The following ZNF717 variants were observed in gnomAD, a reference collection of about 807,000 sequenced individuals.
ZNF717 encodes the protein krueppel-like factor X17.
Under a neutral mutation model 13.8 loss-of-function variants are expected in ZNF717, and 9 were observed. That is an observed-to-expected ratio of 0.65 (90% CI 0.39 to 1.14). ZNF717 has a LOEUF of 1.14. Among genes scored for constraint, ZNF717 ranks in the 50% most tolerant of loss-of-function variants. The probability of loss-of-function intolerance (pLI) is 0.01; values close to 1 mark genes in which losing one functional copy is unlikely to be tolerated. For synonymous variants in ZNF717, 327 were observed against 364.1 expected (o/e 0.90, Z 1.16); for missense variants, 1,040 against 1,080.7 (o/e 0.96, Z 0.53).
rs1313197631 is a variant in ZNF717 at position 75,718,760 on chromosome 3, T to C, written n.545-2219A>G. Among the ~76,000 whole-genome samples the C allele has an allele frequency of 1.8e-4, 27 of 152,264 alleles. No homozygotes were observed. The South Asian group carries it at 5.6e-3, about 32-fold the overall frequency. On this transcript the variant is annotated intron_variant and non_coding_transcript_variant, in intron 4 of 5. Coordinates refer to the ZNF717 transcript ENST00000491507. ...TCGTACTCCTATGAGAATCGAATGCTGCAGCTGATCTGATAGGAGGCGGAG... is the reference window on the plus strand; with the variant it reads ...TCGTACTCCTATGAGAATCGAATGCCGCAGCTGATCTGATAGGAGGCGGAG...
chr3:75,702,039 C>T, intron 6 of ZNF717, among the ~76,000 whole-genome samples: 1 of 152,312 alleles, frequency 6.6e-6, no homozygotes, highest in Non-Finnish European at 1.5e-5. Flanking sequence ...TTGTTGGGAG[C>T]ACAGTTAAGA....
downstream of ZNF717, among the ~76,000 whole-genome samples, chr3:75,735,635 T>TAAAAAAAAA (rs149366090): frequency 5.0e-5 from 4 of 79,844 alleles, no homozygotes; most frequent in Non-Finnish European, 6.7e-5. Flanking sequence ...ACTGTCTCAA[T>TAAAAAAAAA]AAAAAAAAAA....
At chr3:75,757,454 T>C (rs1250867619) in intron 2 of ZNF717, among the ~76,000 whole-genome samples, 1 of 152,216 alleles carries the variant, frequency 6.6e-6, no homozygotes, top group East Asian at 1.9e-4. Context: ...CAAATATGGC[T>C]TACTAAATAT....
Position 75,737,895 on chromosome 3 carries a change from T to C in ZNF717, c.1728A>G (p.Ser576=). The C allele has an allele frequency of 1.3e-6, 2 of 1,547,730 alleles. No homozygotes were observed. Among genetic ancestry groups the C allele is most frequent in the Non-Finnish European group, 1.7e-6 (2 of 1,144,278 alleles). ...GAGTTCTCTGATGTATAGTTAGGAA[T>C]GACTTACAGTGAAAGGATTTTCCAC... The part of the protein sequence containing the change: ...NECGKSFHCK[S]FLTIHQRTHA... Residue 576 remains serine (S), a synonymous_variant, in exon 5 of 5, where the codon TCA becomes TCG. Transcript: ENST00000652011.
chr3:75,783,933 T>G (rs1177605933), intron 1 of ZNF717, among the ~76,000 whole-genome samples: 2 of 152,240 alleles, frequency 1.3e-5, no homozygotes, highest in African/African-American at 4.8e-5. Flanking sequence ...CAATAACACC[T>G]TTCCCTGTAT....
intron 2 of ZNF717, among the ~76,000 whole-genome samples, chr3:75,778,602 CA>C (rs1389455036): frequency 2.2e-4 from 34 of 151,362 alleles, no homozygotes; most frequent in African/African-American, 8.0e-4. Context: ...CTGCCAAAAC[CA>C]GAAACCAAAA....
intron 5 of ZNF717, among the ~76,000 whole-genome samples, chr3:75,712,715 T>C (rs1442047716): frequency 6.6e-6 from 1 of 152,150 alleles, no homozygotes; most frequent in African/African-American, 2.4e-5. Context: ...TTCTCCTATC[T>C]CCATCTCCCT....
intron 2 of ZNF717, among the ~76,000 whole-genome samples, chr3:75,779,385 A>T (rs185995282): frequency 1.5e-3 from 223 of 151,208 alleles, no homozygotes; most frequent in African/African-American, 5.4e-3. Context: ...AGAAACCCAA[A>T]ACAATGGGAG....
rs1295386019 is a variant in ZNF717, at chr3:75,746,027, C to A, written c.58-4291G>T. Reference sequence around the variant, plus strand: ...TCCTAACGCTATCCCACCCTGCTCCCCCTACCCCACAACAAGCCCCGGTGT... The same window carrying A: ...TCCTAACGCTATCCCACCCTGCTCCACCTACCCCACAACAAGCCCCGGTGT... On this transcript the variant is annotated intron_variant, in intron 2 of 4. Coordinates refer to ENST00000652011, the MANE Select transcript of ZNF717 (RefSeq NM_001290208.3). 1.7e-4 allele frequency among the ~76,000 whole-genome samples: 26 copies of A among 152,190 alleles called. No homozygotes were observed. In the South Asian group the frequency reaches 2.9e-3, roughly 17 times the overall value.
downstream of ZNF717, among the ~76,000 whole-genome samples, chr3:75,708,031 C>T (rs1937841025): frequency 6.6e-6 from 1 of 152,188 alleles, no homozygotes; most frequent in African/African-American, 2.4e-5. Context: ...GGGCAGGGCA[C>T]AGACAAACAA....
intron 2 of ZNF717, among the ~76,000 whole-genome samples, chr3:75,743,535 G>C (rs2107236351): frequency 6.6e-6 from 1 of 152,320 alleles, no homozygotes; most frequent in African/African-American, 2.4e-5. Context: ...GTCCAGTAAG[G>C]ACAGAAAAGT....
chr3:75,783,032 A>G (rs570635896), intron 2 of ZNF717, among the ~76,000 whole-genome samples: 2 of 152,352 alleles, frequency 1.3e-5, no homozygotes, highest in African/African-American at 4.8e-5. Context: ...AGAACACAGC[A>G]TGCTCTCTTC....
In ZNF717 at chr3:75,737,143, G is replaced by C. The variant is rs1409634592; in HGVS notation, c.2480C>G (p.Ser827Ter). 7 of 1,562,766 alleles carry C rather than the reference G, an allele frequency of 4.5e-6. No individual in the cohort carries two copies. The highest frequency in any genetic ancestry group is 6.1e-6 in the Non-Finnish European group (7 of 1,153,770). The change falls in exon 5 of 5, where the codon TCA (serine) becomes TGA (stop). Residue 827 changes from serine to a stop codon, truncating the protein, a stop_gained. Coordinates refer to ENST00000652011, the MANE Select transcript of ZNF717 (RefSeq NM_001290208.3). LOFTEE classifies it low-confidence loss of function (END_TRUNC). ...KECRKTFSQKSKLFVHHRTHT... is the reference protein window; with the variant it reads ...KECRKTFSQK The stretch of plus-strand genomic sequence containing the variant: ...AGTTCTGTGATGTACAAAGAGTTTT[G>C]ACTTCTGGGAGAAGGTTTTCCTACA...
At chr3:75,756,374 G>A (rs1423965775) in intron 2 of ZNF717, among the ~76,000 whole-genome samples, 1 of 152,310 alleles carries the variant, frequency 6.6e-6, no homozygotes, top group East Asian at 1.9e-4. Context: ...ATGTGTTCAA[G>A]TGAAAGAAGA....
At position 75,739,108 on chromosome 3, in the gene ZNF717, C is replaced by A; in HGVS notation, c.515G>T (p.Gly172Val). The A allele has an allele frequency of 1.3e-6, 2 of 1,551,366 alleles. No individual in the cohort carries two copies. Among genetic ancestry groups the A allele is most frequent in the Non-Finnish European group, 1.7e-6 (2 of 1,146,838 alleles). ...CQNMLFPIKP[G>V]ETQSGEKPHV... is the part of the protein sequence containing the mutation. ...AGGTTTCTCTCCAGACTGTGTCTCCCCAGGCTTAATAGGGAAAAGCATGTT... is the reference window on the plus strand; with the variant it reads ...AGGTTTCTCTCCAGACTGTGTCTCCACAGGCTTAATAGGGAAAAGCATGTT... The change falls in exon 5 of 5, where the codon GGG becomes GTG. Residue 172 changes from glycine (G) to valine (V), a missense_variant. By Grantham distance (109) the Gly-to-Val change is moderately radical. Around this residue, in one of 3 missense-constraint regions of ZNF717, gnomAD observed 873 missense variants for 832.8 expected, o/e 1.05. Transcript: ENST00000652011.
downstream of ZNF717, among the ~76,000 whole-genome samples, chr3:75,734,116 C>A (rs1241377628): frequency 2.6e-5 from 4 of 152,258 alleles, no homozygotes; most frequent in East Asian, 7.8e-4. Context: ...GTTGCCCAGG[C>A]TGGAGTGCAG....
chr3:75,745,290 T>C (rs1413944918), intron 2 of ZNF717, among the ~76,000 whole-genome samples: 1 of 152,006 alleles, frequency 6.6e-6, no homozygotes, highest in Non-Finnish European at 1.5e-5. Context: ...CGTTCTGGCA[T>C]CCTATGTAAG....
chr3:75,779,192 TA>T (rs1268930043), intron 2 of ZNF717, among the ~76,000 whole-genome samples: 4 of 146,534 alleles, frequency 2.7e-5, no homozygotes, highest in Middle Eastern at 4.4e-3. Flanking sequence ...AGTGATGTGC[TA>T]AAACTGGAAC....
downstream of ZNF717, among the ~76,000 whole-genome samples, chr3:75,735,225 T>C (rs1939016792): frequency 6.6e-6 from 1 of 152,054 alleles, no homozygotes; most frequent in South Asian, 2.1e-4. Flanking sequence ...GAAACTGGTA[T>C]TACATTTCTA....
Sources: gnomAD v4.1 joint callset for allele counts (sites outside exome capture counted in the v4.1 genomes callset) on GRCh38, gnomAD v4.1.1 for gene constraint, gnomAD v4.1.1 regional missense constraint, MANE v1.5 for transcripts, NCBI Gene and HGNC (gene_info 2026-07-23, HGNC 2026-07-21) for gene names.